Variants in ADAMTS9 observed in about 807,000 individuals in gnomAD.
ADAMTS9 encodes the protein A disintegrin and metalloproteinase with thrombospondin motifs 9.
In ADAMTS9, 107 loss-of-function variants were observed where a neutral mutation model predicts 257.1. The observed-to-expected ratio is 0.42, with a 90% CI of 0.36 to 0.49. ADAMTS9 has a LOEUF of 0.49. ADAMTS9 is among the 20% of genes least tolerant of loss of function. The pLI is 0.03. For synonymous variants in ADAMTS9, 982 were observed against 880.9 expected (o/e 1.11, Z -2.03); for missense variants, 2,353 against 2,469.1 (o/e 0.95, Z 1.00).
intron 25 of ADAMTS9, among the ~76,000 whole-genome samples, chr3:64,602,826 A>G (rs1429947202): frequency 6.6e-6 from 1 of 152,150 alleles, no homozygotes; most frequent in Non-Finnish European, 1.5e-5. Flanking sequence ...CTCTTGCTAT[A>G]TTACATACTT....
At chr3:64,547,054 T>G in intron 31 of ADAMTS9, 102 bp from the exon 32 acceptor site, 1 of 1,029,788 alleles carries the variant, frequency 9.7e-7, no homozygotes. Flanking sequence ...GTGACTATGC[T>G]GCAGAAAGCT....
chr3:64,619,565 ATGT>A (rs1051927978), intron 19 of ADAMTS9, among the ~76,000 whole-genome samples: 3 of 152,122 alleles, frequency 2.0e-5, no homozygotes, highest in Non-Finnish European at 4.4e-5. Context: ...ATAAATCATA[ATGT>A]TGTTTGAAGA....
chr3:64,636,378 C>T (rs568399867), intron 12 of ADAMTS9, among the ~76,000 whole-genome samples: 3 of 152,264 alleles, frequency 2.0e-5, no homozygotes, highest in Admixed American at 6.5e-5. Flanking sequence ...CCAGCTATGC[C>T]TCTTAATAAT....
At chr3:64,627,913 G>A (rs544000174) in intron 16 of ADAMTS9, among the ~76,000 whole-genome samples, 85 of 152,302 alleles carry the variant, frequency 5.6e-4, no homozygotes, top group African/African-American at 2.0e-3. Flanking sequence ...CCTTCTCAGT[G>A]CATGTGCTGC....
intron 12 of ADAMTS9, among the ~76,000 whole-genome samples, chr3:64,641,450 C>T (rs1700637775): frequency 6.8e-6 from 1 of 148,104 alleles, no homozygotes; most frequent in Admixed American, 6.7e-5. Context: ...AGGTATATCT[C>T]CTAATGCTAT....
At chr3:64,570,482 C>A (rs983329275) in intron 28 of ADAMTS9, among the ~76,000 whole-genome samples, 2 of 151,962 alleles carry the variant, frequency 1.3e-5, no homozygotes, top group Admixed American at 1.3e-4. Context: ...AAGACATGGT[C>A]TGATTTTTGT....
At chr3:64,620,276 A>C (rs1476618790) in intron 19 of ADAMTS9, among the ~76,000 whole-genome samples, 7 of 152,188 alleles carry the variant, frequency 4.6e-5, no homozygotes, top group Non-Finnish European at 8.8e-5. Flanking sequence ...ATCTGCCCTA[A>C]AGCACTACAG....
intron 30 of ADAMTS9, among the ~76,000 whole-genome samples, chr3:64,558,912 G>A (rs1214047827): frequency 3.3e-5 from 5 of 152,272 alleles, no homozygotes; most frequent in African/African-American, 4.8e-5. Flanking sequence ...GTCACTAGGT[G>A]TGGGAGAAAA....
At chr3:64,654,087 G>C (rs978907319) in intron 8 of ADAMTS9, among the ~76,000 whole-genome samples, 1 of 152,176 alleles carries the variant, frequency 6.6e-6, no homozygotes. Flanking sequence ...TAGGAAGGGA[G>C]AATATTAGAC....
chr3:64,559,250 G>C (rs1035189332), intron 30 of ADAMTS9, among the ~76,000 whole-genome samples: 2 of 152,142 alleles, frequency 1.3e-5, no homozygotes, highest in African/African-American at 2.4e-5. Flanking sequence ...TTCTGAGCAG[G>C]CTGTCAGCAG....
At chr3:64,525,461 G>A (rs891464510) in intron 38 of ADAMTS9, among the ~76,000 whole-genome samples, 3 of 151,972 alleles carry the variant, frequency 2.0e-5, no homozygotes, top group African/African-American at 7.2e-5. Flanking sequence ...ATTTTTTGGG[G>A]TTACATTCTC....
intron 28 of ADAMTS9, chr3:64,589,351 A>G (rs1223752667): frequency 6.6e-6 from 1 of 152,202 alleles, no homozygotes; most frequent in Non-Finnish European, 1.5e-5. Context: ...TCCTTTATGG[A>G]ATATAAACAG....
intron 39 of ADAMTS9, among the ~76,000 whole-genome samples, chr3:64,519,650 A>G (rs542534098): frequency 1.3e-5 from 2 of 152,330 alleles, no homozygotes; most frequent in African/African-American, 4.8e-5. Flanking sequence ...CAACATATGC[A>G]AGTCAATAAA....
At chr3:64,671,588 C>A (rs1701490014) in intron 3 of ADAMTS9, among the ~76,000 whole-genome samples, 1 of 152,200 alleles carries the variant, frequency 6.6e-6, no homozygotes, top group Non-Finnish European at 1.5e-5. Flanking sequence ...CACACAGCAA[C>A]TGCATTTTTA....
chr3:64,536,722 T>C (rs1299466139), intron 37 of ADAMTS9, among the ~76,000 whole-genome samples: 2 of 152,144 alleles, frequency 1.3e-5, no homozygotes, highest in African/African-American at 4.8e-5. Context: ...AATGCTACAT[T>C]GAGTAGACAA....
chr3:64,646,811 G>A (rs192299173), intron 11 of ADAMTS9, among the ~76,000 whole-genome samples: 1 of 152,284 alleles, frequency 6.6e-6, no homozygotes, highest in East Asian at 1.9e-4. Context: ...ACTCCAGTAG[G>A]CCCTGCTGCC....
chr3:64,573,079 T>TAAA (rs57570382), intron 28 of ADAMTS9, among the ~76,000 whole-genome samples: 11,952 of 119,658 alleles, frequency 0.1, 691 homozygotes, highest in East Asian at 0.2. Context: ...GACTCCATCT[T>TAAA]AAAAAAAAAA....
chr3:64,658,875 A>C (rs886153202), intron 3 of ADAMTS9, 84 bp from the exon 4 acceptor site: 2 of 1,417,982 alleles, frequency 1.4e-6, no homozygotes, highest in Admixed American at 2.1e-5. Flanking sequence ...TTTTAAATTG[A>C]TCCCTCTGTG....
chr3:64,637,779 A>G (rs1392187638), intron 12 of ADAMTS9, among the ~76,000 whole-genome samples: 1 of 152,232 alleles, frequency 6.6e-6, no homozygotes, highest in South Asian at 2.1e-4. Context: ...GAATGCTGAA[A>G]GGCTATTCAA....
Sources: gnomAD v4.1 joint callset for allele counts (sites outside exome capture counted in the v4.1 genomes callset) on GRCh38, gnomAD v4.1.1 for gene constraint, MANE v1.5 for transcripts, NCBI Gene and HGNC (gene_info 2026-07-23, HGNC 2026-07-21) for gene names.